RASGRP3: variants seen among roughly 807,000 people sequenced by gnomAD.
RASGRP3 encodes the protein ras guanyl-releasing protein 3.
Under a neutral mutation model 82.7 loss-of-function variants are expected in RASGRP3, and 54 were observed. The ratio of observed to expected loss-of-function variants is 0.65; its 90% CI spans 0.52 to 0.82. The LOEUF (loss-of-function observed/expected upper bound fraction) is 0.82, where lower values mean the gene tolerates loss of function less well. Ranked by LOEUF, RASGRP3 falls within the 40% of genes least tolerant of loss-of-function variation. The pLI, the probability that RASGRP3 is intolerant of heterozygous loss-of-function variation, is 0.00. For synonymous variants in RASGRP3, 309 were observed against 300.5 expected, an observed-to-expected ratio of 1.03 and a Z score of -0.29; for missense variants, 861 against 828.9, an observed-to-expected ratio of 1.04 and a Z score of -0.48.
At chr2:33,437,368 C>T (rs1196903249) in intron 1 of RASGRP3, among the ~76,000 whole-genome samples, 1 of 152,216 alleles carries the variant, frequency 6.6e-6, no homozygotes, top group Non-Finnish European at 1.5e-5. Context: ...ATTCTTTTAA[C>T]ATTCTTTGCC....
chr2:33,504,317 C>A (rs1179334155), intron 1 of RASGRP3, among the ~76,000 whole-genome samples: 1 of 151,950 alleles, frequency 6.6e-6, no homozygotes, highest in Non-Finnish European at 1.5e-5. Context: ...TCCCGCAATG[C>A]CCTGGGCATC....
upstream of RASGRP3, among the ~76,000 whole-genome samples, chr2:33,472,035 A>AT (rs1311317240): frequency 1.6e-3 from 245 of 151,256 alleles, 1 homozygote; most frequent in African/African-American, 4.1e-3. Flanking sequence ...ATTACTTACA[A>AT]TTTTTTTTTG....
chr2:33,540,524 TC>T (rs1207981469), intron 12 of RASGRP3, among the ~76,000 whole-genome samples: 5 of 109,106 alleles, frequency 4.6e-5, no homozygotes, highest in African/African-American at 1.7e-4. Flanking sequence ...ATGCGGAATT[TC>T]TCTCTCTCTC....
intron 9 of RASGRP3, among the ~76,000 whole-genome samples, chr2:33,525,029 C>T (rs1033069057): frequency 4.1e-5 from 6 of 144,810 alleles, no homozygotes; most frequent in East Asian, 2.0e-4. Flanking sequence ...TGCAGTGAGC[C>T]GAGATCACCC....
At chr2:33,556,041 C>T (rs527918879) in intron 15 of RASGRP3, among the ~76,000 whole-genome samples, 3 of 152,168 alleles carry the variant, frequency 2.0e-5, no homozygotes, top group South Asian at 4.1e-4. Flanking sequence ...GAATGCTTTC[C>T]TCTATCTTTC....
intron 1 of RASGRP3, among the ~76,000 whole-genome samples, chr2:33,444,994 A>G (rs1665427351): frequency 6.6e-6 from 1 of 152,252 alleles, no homozygotes; most frequent in Non-Finnish European, 1.5e-5. Flanking sequence ...ATCTTTAGCA[A>G]TGGAAACACA....
chr2:33,514,026 T>G (rs1671192889), intron 2 of RASGRP3: 1 of 152,220 alleles, frequency 6.6e-6, no homozygotes, highest in Non-Finnish European at 1.5e-5. Context: ...TTGGGTAAGT[T>G]GCTAAATCAC....
chr2:33,542,123 A>G (rs1266021540), intron 12 of RASGRP3, among the ~76,000 whole-genome samples: 3 of 147,138 alleles, frequency 2.0e-5, no homozygotes, highest in Non-Finnish European at 3.0e-5. Context: ...AAAAATAAAT[A>G]AATAATATAT....
chr2:33,534,740 C>A (rs13415637), intron 11 of RASGRP3, among the ~76,000 whole-genome samples: 4,286 of 125,794 alleles, frequency 0.034, 223 homozygotes, highest in African/African-American at 0.12. Context: ...ATGGGGATTT[C>A]ACTATGTTGG....
At chr2:33,487,700 A>C (rs1024668223) in intron 1 of RASGRP3, among the ~76,000 whole-genome samples, 1 of 152,212 alleles carries the variant, frequency 6.6e-6, no homozygotes, top group Admixed American at 6.5e-5. Flanking sequence ...GCTGGAGTCC[A>C]GAAGTTTGAA....
intron 1 of RASGRP3, among the ~76,000 whole-genome samples, chr2:33,502,734 C>T (rs1003860440): frequency 3.9e-5 from 6 of 152,074 alleles, no homozygotes; most frequent in South Asian, 2.1e-4. Context: ...AGGCTGATCC[C>T]GAACTCCTGA....
chr2:33,514,571 G>A (rs1671263440), intron 2 of RASGRP3, among the ~76,000 whole-genome samples: 1 of 148,886 alleles, frequency 6.7e-6, no homozygotes, highest in African/African-American at 2.5e-5. Flanking sequence ...TGTAGTCCCA[G>A]CTACTTGGGG....
intron 1 of RASGRP3, among the ~76,000 whole-genome samples, chr2:33,447,238 A>G (rs1208419698): frequency 2.0e-5 from 3 of 152,278 alleles, no homozygotes; most frequent in East Asian, 3.9e-4. Context: ...TCAGGGACCT[A>G]CAAATGAGTT....
At chr2:33,518,827 A>G (rs1376487403) in intron 4 of RASGRP3, among the ~76,000 whole-genome samples, 2 of 152,120 alleles carry the variant, frequency 1.3e-5, no homozygotes, top group Non-Finnish European at 2.9e-5. Context: ...TTCCACCTCT[A>G]TCTCTTGTTC....
At chr2:33,492,671 A>G (rs1005086981) in intron 1 of RASGRP3, among the ~76,000 whole-genome samples, 4 of 152,230 alleles carry the variant, frequency 2.6e-5, no homozygotes, top group African/African-American at 9.6e-5. Context: ...TCTGCAAGCC[A>G]GAAAGAGAGT....
chr2:33,536,331 A>AG (rs1040881463), intron 11 of RASGRP3, among the ~76,000 whole-genome samples: 1 of 151,034 alleles, frequency 6.6e-6, no homozygotes, highest in African/African-American at 2.4e-5. Context: ...AGAAAAAAAA[A>AG]AAAAAACGAC....
chr2:33,546,325 A>C (rs1296962191), intron 13 of RASGRP3, among the ~76,000 whole-genome samples: 7 of 151,542 alleles, frequency 4.6e-5, no homozygotes, highest in African/African-American at 1.7e-4. Context: ...CGGGAGGCTG[A>C]GGCAGGAGAA....
intron 1 of RASGRP3, among the ~76,000 whole-genome samples, chr2:33,490,729 C>T (rs760849600): frequency 3.5e-4 from 53 of 152,202 alleles, no homozygotes; most frequent in Non-Finnish European, 6.5e-4. Flanking sequence ...GCGCTAAATG[C>T]TGCTTACCTG....
upstream of RASGRP3, chr2:33,476,302 G>GC (rs1238149522): frequency 6.6e-6 from 1 of 152,282 alleles, no homozygotes; most frequent in East Asian, 1.9e-4. Flanking sequence ...TGAAACTTGA[G>GC]TGAGATGAGA....
Sources: gnomAD v4.1 joint callset for allele counts (sites outside exome capture counted in the v4.1 genomes callset) on GRCh38, gnomAD v4.1.1 for gene constraint, MANE v1.5 for transcripts, NCBI Gene and HGNC (gene_info 2026-07-23, HGNC 2026-07-21) for gene names.